PRDM9: variants seen among roughly 807,000 people sequenced by gnomAD.
PRDM9 encodes the protein histone-lysine N-methyltransferase PRDM9.
PRDM9 carries 47 observed loss-of-function variants against 55.6 expected under a neutral mutation model. That is an observed-to-expected ratio of 0.85 (90% CI 0.67 to 1.08). The LOEUF (loss-of-function observed/expected upper bound fraction) is 1.08, where lower values mean the gene tolerates loss of function less well. Ranked by LOEUF, PRDM9 falls within the 50% of genes least tolerant of loss-of-function variation. The pLI, the probability that PRDM9 is intolerant of heterozygous loss-of-function variation, is 0.00. For synonymous variants in PRDM9, 312 were observed against 375.7 expected (o/e 0.83, Z 1.96); for missense variants, 867 against 1,040.3 (o/e 0.83, Z 2.29).
intron 6 of PRDM9, among the ~76,000 whole-genome samples, 200 bp from the exon 7 acceptor site, chr5:23,522,104 C>T (rs1311657256): frequency 6.6e-6 from 1 of 152,120 alleles, no homozygotes; most frequent in Non-Finnish European, 1.5e-5. Flanking sequence ...TGAGAACAGC[C>T]AGAAACTAAT....
Position 23,523,302 on chromosome 5 carries a change from G to C in PRDM9, c.894G>C (p.Gly298=), listed in dbSNP as rs1431344067. 6.2e-7 allele frequency: 1 copy of C among 1,613,810 alleles called. No homozygotes were observed. The highest frequency in any genetic ancestry group is 2.2e-5 in the East Asian group (1 of 44,882). The change falls in exon 9 of 11, where the codon GGG becomes GGC. Residue 298 remains glycine, a synonymous_variant. Transcript: ENST00000296682. The part of the protein sequence containing the change: ...NNGYSWLITK[G]RNCYEYVDGK... Reference sequence around the variant, plus strand: ...TTTCTGAAACTCAGATCACCAAGGGGAGAAACTGCTATGAGTATGTGGATG... The same window carrying C: ...TTTCTGAAACTCAGATCACCAAGGGCAGAAACTGCTATGAGTATGTGGATG...
At position 23,526,584 on chromosome 5, in the gene PRDM9, G is replaced by T. The variant is rs775407001; in HGVS notation, c.1496G>T (p.Arg499Ile). The change falls in exon 11 of 11, where the codon AGA becomes ATA. Residue 499 changes from arginine to isoleucine, a missense_variant. Arg to Ile is a moderately conservative substitution (Grantham distance 97). Transcript: ENST00000296682. ...VGKRIMEEESRTGQKVNPGNT... is the reference protein window; with the variant it reads ...VGKRIMEEESITGQKVNPGNT... ...AAAAGAATAATGGAAGAAGAGTCCA[G>T]AACAGGCCAGAAAGTGAATCCAGGG... 2 of 1,614,168 alleles carry T rather than the reference G, an allele frequency of 1.2e-6. No homozygotes were observed. Among genetic ancestry groups the T allele is most frequent in the Non-Finnish European group, 1.7e-6 (2 of 1,180,028 alleles).
chr5:23,526,907 C>T lies in PRDM9; in HGVS notation c.1819C>T (p.Pro607Ser). The change falls in exon 11 of 11, where the codon CCC (proline) becomes TCC (serine). Residue 607 changes from proline to serine, a missense_variant. This residue lies in a region of PRDM9 where 27 missense variants were observed against 50.0 expected (regional missense o/e 0.54). Transcript: ENST00000296682. ...THQRTHTGEK[P>S]YVCRECGRGF... ...CCAGAGGACACACACAGGGGAGAAG[C>T]CCTATGTCTGCAGGGAGTGTGGGCG... 1 of 1,599,884 alleles carries T rather than the reference C, an allele frequency of 6.3e-7. No individual in the cohort carries two copies. The highest frequency in any genetic ancestry group is 2.3e-5 in the East Asian group (1 of 44,102).
chr5:23,515,354 C>T (rs931148125), intron 4 of PRDM9, among the ~76,000 whole-genome samples: 1 of 152,152 alleles, frequency 6.6e-6, no homozygotes, highest in Non-Finnish European at 1.5e-5. Context: ...AAGTTATCCT[C>T]CCACCTGAGC....
chr5:23,527,797 T>C lies in PRDM9; in HGVS notation c.*24T>C. 3.7e-6 allele frequency: 6 copies of C among 1,613,808 alleles called. No individual in the cohort carries two copies. Among genetic ancestry groups the C allele is most frequent in the Non-Finnish European group, 5.1e-6 (6 of 1,179,806 alleles). ...AAGTCATTAGTAATAAAACCTCATC[T>C]CAATAGCCACAAAAAGACAAATGTG... is the stretch of plus-strand genomic sequence containing the variant. On this transcript the variant is annotated 3_prime_UTR_variant, in exon 11 of 11. Coordinates refer to ENST00000296682, the MANE Select transcript of PRDM9 (RefSeq NM_020227.4).
rs1219562300 is a variant in PRDM9, at chr5:23,524,459, A to G, written c.1076A>G (p.Asp359Gly). Reference protein sequence around the residue: ...PGCELLVWYGDEYGQELGIKW... With the variant: ...PGCELLVWYGGEYGQELGIKW... The stretch of plus-strand genomic sequence containing the variant: ...TGTGAACTGCTGGTCTGGTATGGGG[A>G]TGAATACGGCCAGGAACTGGGCATC... The change falls in exon 10 of 11, where the codon GAT (aspartate) becomes GGT (glycine). Residue 359 changes from aspartate to glycine, a missense_variant. Transcript: ENST00000296682. 1.9e-6 allele frequency: 3 copies of G among 1,613,948 alleles called. No homozygotes were observed. Among genetic ancestry groups the G allele is most frequent in the Non-Finnish European group, 2.5e-6 (3 of 1,179,896 alleles).
chr5:23,524,789 A>C (rs1475428054), intron 10 of PRDM9, among the ~76,000 whole-genome samples: 1 of 152,246 alleles, frequency 6.6e-6, no homozygotes, highest in Non-Finnish European at 1.5e-5. Context: ...TGAAAGACTT[A>C]AAGACAAAAA....
At position 23,509,456 on chromosome 5, in the gene PRDM9, G is replaced by C. The variant is rs181819732; in HGVS notation, c.70-14G>C. ...TACTAGTAAATCACTGATGGAATCT[G>C]TTACTTCCTCTAGGTCAAAGATGCC... On this transcript the variant is annotated splice_polypyrimidine_tract_variant and intron_variant, in intron 2 of 10. Coordinates refer to ENST00000296682, the MANE Select transcript of PRDM9 (RefSeq NM_020227.4). 456 of 1,614,124 alleles carry C rather than the reference G, an allele frequency of 2.8e-4. 1 individual carries two copies. The African/African-American group carries it at 4.9e-3, about 17-fold the overall frequency.
rs532199877 is a variant in PRDM9 at position 23,526,049 on chromosome 5, TA to T, written c.1145-182del. Among the ~76,000 whole-genome samples the T allele has an allele frequency of 7.9e-5, 12 of 152,296 alleles. No individual in the cohort carries two copies. In the South Asian group the frequency reaches 2.5e-3, roughly 32 times the overall value. On this transcript the variant is annotated intron_variant, in intron 10 of 10. Coordinates refer to ENST00000296682, the MANE Select transcript of PRDM9 (RefSeq NM_020227.4). ...CAAGATGTGGGATTTCTGGATTTTT[TA>T]AGATGTAGTGAATAAAAGTGGAATG...
chr5:23,525,400 C>T (rs1251700673), intron 10 of PRDM9, among the ~76,000 whole-genome samples: 7 of 152,184 alleles, frequency 4.6e-5, no homozygotes, highest in Non-Finnish European at 1.0e-4. Context: ...TGACACAAGA[C>T]TTCCTATTGT....
At chr5:23,525,774 A>T (rs1395218562) in intron 10 of PRDM9, among the ~76,000 whole-genome samples, 1 of 152,224 alleles carries the variant, frequency 6.6e-6, no homozygotes, top group Non-Finnish European at 1.5e-5. Flanking sequence ...ATCACTAAGG[A>T]CAATCTCACC....
chr5:23,520,416 CTA>C (rs1250002931), intron 5 of PRDM9, among the ~76,000 whole-genome samples: 15 of 137,334 alleles, frequency 1.1e-4, no homozygotes, highest in East Asian at 2.2e-4. Context: ...GATCAGGAAA[CTA>C]AAGAGAATTA....
At chr5:23,510,441 C>T (rs1739072126) in intron 4 of PRDM9, among the ~76,000 whole-genome samples, 1 of 151,858 alleles carries the variant, frequency 6.6e-6, no homozygotes, top group Non-Finnish European at 1.5e-5. Flanking sequence ...TCACTGCAGC[C>T]TCTGCCTTCC....
At position 23,526,882 on chromosome 5, in the gene PRDM9, C is replaced by T. The variant is rs1189077005; in HGVS notation, c.1794C>T (p.His598=). 1 of 1,601,734 alleles carries T rather than the reference C, an allele frequency of 6.2e-7. No homozygotes were observed. Among genetic ancestry groups the T allele is most frequent in the Non-Finnish European group, 8.5e-7 (1 of 1,176,218 alleles). Reference sequence around the variant, plus strand: ...GCTGGCAGTCAGTCCTCCTCACTCACCAGAGGACACACACAGGGGAGAAGC... The same window carrying T: ...GCTGGCAGTCAGTCCTCCTCACTCATCAGAGGACACACACAGGGGAGAAGC... ...GFSWQSVLLT[H]QRTHTGEKPY... Residue 598 remains histidine (H), a synonymous_variant, in exon 11 of 11, where the codon CAC becomes CAT. Transcript: ENST00000296682.
intron 5 of PRDM9, among the ~76,000 whole-genome samples, chr5:23,519,460 C>T (rs377648698): frequency 6.6e-6 from 1 of 152,070 alleles, no homozygotes; most frequent in East Asian, 2.0e-4. Context: ...CCTCCCCCTC[C>T]TGGGTTCAAG....
rs1195955064 is a variant in PRDM9 at position 23,521,006 on chromosome 5, T to C, written c.352-17T>C. ...GAAATTCGTGTTGTCTTTTAATATG[T>C]GACTCTCACATTAAAGGGAATGCCC... On this transcript the variant is annotated splice_polypyrimidine_tract_variant and intron_variant, in intron 5 of 10. Coordinates refer to ENST00000296682, the MANE Select transcript of PRDM9 (RefSeq NM_020227.4). The C allele has an allele frequency of 6.2e-7, 1 of 1,613,452 alleles. No homozygotes were observed. The highest frequency in any genetic ancestry group is 1.3e-5 in the African/African-American group (1 of 74,896).
intron 6 of PRDM9, 111 bp from the exon 7 acceptor site, chr5:23,522,193 A>G: frequency 1.1e-6 from 1 of 921,686 alleles, no homozygotes; most frequent in Non-Finnish European, 1.8e-6. Context: ...GGGACACTAG[A>G]GTATGTAGAA....
At chr5:23,523,920 T>C (rs1192454638) in intron 9 of PRDM9, among the ~76,000 whole-genome samples, 1 of 152,172 alleles carries the variant, frequency 6.6e-6, no homozygotes, top group Non-Finnish European at 1.5e-5. Flanking sequence ...CAAAGAAAGA[T>C]GGACTTGGGC....
At position 23,527,590 on chromosome 5, in the gene PRDM9, C is replaced by T. The variant is rs376683020; in HGVS notation, c.2502C>T (p.Cys834=). ...RTHTGEKPYV[C]RECGRGFRNK... The stretch of plus-strand genomic sequence containing the variant: ...ACACAGGGGAGAAGCCCTATGTCTG[C>T]AGGGAGTGTGGGCGGGGCTTTCGCA... The change falls in exon 11 of 11, where the codon TGC becomes TGT. Residue 834 remains cysteine, a synonymous_variant. Coordinates refer to ENST00000296682, the MANE Select transcript of PRDM9 (RefSeq NM_020227.4). The T allele has an allele frequency of 1.1e-5, 17 of 1,511,734 alleles. No individual in the cohort carries two copies. In the African/African-American group the frequency reaches 2.6e-4, roughly 23 times the overall value. 93.6% of individuals were successfully genotyped at this position (1,511,734 alleles called of 1,614,324 possible).
Sources: allele counts gnomAD v4.1 joint callset (sites outside exome capture counted in the v4.1 genomes callset), GRCh38; gene constraint gnomAD v4.1.1; regional missense constraint gnomAD v4.1.1; transcripts MANE v1.5; gene names NCBI Gene and HGNC (gene_info 2026-07-23, HGNC 2026-07-21).